CFAP221: variants seen among roughly 807,000 people sequenced by gnomAD.
CFAP221 encodes cilia and flagella associated protein 221.
Under a neutral mutation model 113.1 loss-of-function variants are expected in CFAP221, and 97 were observed. The observed-to-expected ratio is 0.86, with a 90% CI of 0.73 to 1.02. CFAP221 has a LOEUF of 1.02. Ranked by LOEUF, CFAP221 falls within the 50% of genes least tolerant of loss-of-function variation. The pLI is 0.00. For missense variants in CFAP221, 1,025 were observed against 1,013.4 expected, an observed-to-expected ratio of 1.01 and a Z score of -0.16; for synonymous variants, 331 against 354.4, an observed-to-expected ratio of 0.93 and a Z score of 0.74.
At chr2:119,644,077 C>T (rs1249110132) in intron 21 of CFAP221, among the ~76,000 whole-genome samples, 1 of 151,880 alleles carries the variant, frequency 6.6e-6, no homozygotes, top group Non-Finnish European at 1.5e-5. Flanking sequence ...CGCTTCAACC[C>T]GGGAGGCAGA....
chr2:119,624,234 G>T (rs1331294948), intron 14 of CFAP221, among the ~76,000 whole-genome samples: 1 of 152,170 alleles, frequency 6.6e-6, no homozygotes, highest in Non-Finnish European at 1.5e-5. Context: ...CTTCTCAAAA[G>T]AAGATGTTTA....
chr2:119,605,302 C>T lies in CFAP221; in HGVS notation c.1133+13C>T, dbSNP rs1310131902. The T allele has an allele frequency of 4.4e-6, 7 of 1,582,586 alleles. No homozygotes were observed. The highest frequency in any genetic ancestry group is 1.7e-5 in the Admixed American group (1 of 59,874). On this transcript the variant is annotated intron_variant, in intron 11 of 23. Transcript: ENST00000413369. ...ATCATCTTAAGTGGTAAATATTGAG[C>T]AATTGTTTGTATCAAGTGTCAGTAC...
At position 119,560,041 on chromosome 2, in the gene CFAP221, ATTGC is replaced by A; in HGVS notation, c.426+18_426+21del. 2 of 1,272,112 alleles carry A rather than the reference ATTGC, an allele frequency of 1.6e-6. No individual in the cohort carries two copies. Among genetic ancestry groups the A allele is most frequent in the Non-Finnish European group, 2.1e-6 (2 of 954,256 alleles). 78.8% of individuals were successfully genotyped at this position (1,272,112 alleles called of 1,614,324 possible). On this transcript the variant is annotated intron_variant, in intron 5 of 23. Coordinates refer to ENST00000413369, the MANE Select transcript of CFAP221 (RefSeq NM_001271049.2). ...TTCACTGTAAGGTAGGTCTCTTAAA[ATTGC>A]TTTTTTTTTTTTTTTTTTTTGATGG...
intron 14 of CFAP221, among the ~76,000 whole-genome samples, chr2:119,619,147 G>C (rs776586556): frequency 1.6e-4 from 24 of 152,220 alleles, no homozygotes; most frequent in Non-Finnish European, 1.9e-4. Flanking sequence ...GAAAGGGGCA[G>C]CTTTGGTGCA....
rs867971647 is a variant in CFAP221, at chr2:119,562,074, C to G, written c.487C>G (p.Pro163Ala). 6 of 1,535,002 alleles carry G rather than the reference C, an allele frequency of 3.9e-6. No homozygotes were observed. The highest frequency in any genetic ancestry group is 5.2e-6 in the Non-Finnish European group (6 of 1,146,454). ...AYPVMNSLDF[P>A]SFINLSNVLL... ...TCCAGTCATGAACTCACTAGACTTT[C>G]CTTCATTTATAAATCTGTCAAATGT... The change falls in exon 6 of 24, where the codon CCT (proline) becomes GCT (alanine). Residue 163 changes from proline to alanine, a missense_variant. Physicochemically the swap from Pro to Ala is conservative, Grantham distance 27 (BLOSUM62 -1). Transcript: ENST00000413369.
chr2:119,562,133 A>C lies in CFAP221; in HGVS notation c.527+19A>C. On this transcript the variant is annotated intron_variant, in intron 6 of 23. Transcript: ENST00000413369. ...GTGAAAGGTGAGTTACCAAAATGTC[A>C]ACAAAATGTATAGGATGTGAAAAAC... The C allele has an allele frequency of 1.4e-6, 2 of 1,474,126 alleles. No homozygotes were observed. Among genetic ancestry groups the C allele is most frequent in the Non-Finnish European group, 1.8e-6 (2 of 1,092,970 alleles). 91.3% of individuals were successfully genotyped at this position (1,474,126 alleles called of 1,614,324 possible).
At chr2:119,568,889 A>G (rs1681838722) in intron 6 of CFAP221, among the ~76,000 whole-genome samples, 2 of 152,220 alleles carry the variant, frequency 1.3e-5, no homozygotes, top group Non-Finnish European at 1.5e-5. Context: ...AGGCAGGTCC[A>G]CTGGCAACAA....
intron 2 of CFAP221, 115 bp downstream of exon 2, chr2:119,546,385 T>C: frequency 8.3e-7 from 1 of 1,203,218 alleles, no homozygotes; most frequent in East Asian, 2.6e-5. Context: ...TTTATAGGCT[T>C]ATACTAATTT....
intron 21 of CFAP221, among the ~76,000 whole-genome samples, chr2:119,643,934 C>T (rs896546622): frequency 3.3e-5 from 5 of 151,918 alleles, no homozygotes; most frequent in Admixed American, 2.0e-4. Context: ...AGGAGGATCA[C>T]TTGAGGTCAG....
chr2:119,557,477 T>A (rs886418662), intron 3 of CFAP221: 1 of 152,200 alleles, frequency 6.6e-6, no homozygotes, highest in African/African-American at 2.4e-5. Flanking sequence ...CTGGGGCCCT[T>A]GAATGTCATT....
intron 19 of CFAP221, among the ~76,000 whole-genome samples, chr2:119,631,918 G>A (rs1686799775): frequency 6.6e-6 from 1 of 152,170 alleles, no homozygotes. Flanking sequence ...TAAGTTAAAT[G>A]TGCAAATTCA....
chr2:119,552,158 CTTTTTTTTT>C lies in CFAP221; in HGVS notation c.240+2985_240+2993del, dbSNP rs772767971. On this transcript the variant is annotated intron_variant, in intron 3 of 23. Coordinates refer to ENST00000413369, the MANE Select transcript of CFAP221 (RefSeq NM_001271049.2). Reference sequence around the variant, plus strand: ...CACAACATAGCTTTTTAAAACTGGCCTTTTTTTTTTTTTTTTTTTTGCTTAGTATAATGT... The same window carrying C: ...CACAACATAGCTTTTTAAAACTGGCCTTTTTTTTTTTGCTTAGTATAATGT... Among the ~76,000 whole-genome samples the C allele has an allele frequency of 1.2e-4, 12 of 96,574 alleles. No individual in the cohort carries two copies. The East Asian group carries it at 3.5e-3, about 28-fold the overall frequency. 63.4% of individuals were successfully genotyped at this position (96,574 alleles called of 152,430 possible).
intron 21 of CFAP221, among the ~76,000 whole-genome samples, chr2:119,640,851 A>G (rs1687440883): frequency 6.6e-6 from 1 of 152,250 alleles, no homozygotes; most frequent in Non-Finnish European, 1.5e-5. Context: ...TCCAGGAGTC[A>G]TGTGACCTCA....
At chr2:119,620,022 G>A (rs964222721) in intron 14 of CFAP221, among the ~76,000 whole-genome samples, 2 of 152,092 alleles carry the variant, frequency 1.3e-5, no homozygotes, top group African/African-American at 2.4e-5. Flanking sequence ...GAAATAAAGC[G>A]TGAAGACAAG....
chr2:119,597,548 A>T (rs1490737714), intron 7 of CFAP221, among the ~76,000 whole-genome samples: 1 of 152,210 alleles, frequency 6.6e-6, no homozygotes, highest in East Asian at 1.9e-4. Context: ...TAAAACCAAT[A>T]CTTAGAATGT....
intron 15 of CFAP221, among the ~76,000 whole-genome samples, chr2:119,627,231 A>G (rs1485185974): frequency 6.6e-6 from 1 of 151,960 alleles, no homozygotes; most frequent in Non-Finnish European, 1.5e-5. Context: ...TTGTTTTTCA[A>G]AATATTGTAC....
chr2:119,548,360 TG>T (rs1680194079), intron 2 of CFAP221, among the ~76,000 whole-genome samples: 1 of 152,192 alleles, frequency 6.6e-6, no homozygotes, highest in African/African-American at 2.4e-5. Context: ...CTCAAAGGGC[TG>T]GAGTGAGGAT....
At chr2:119,626,701 A>G (rs1056072075) in intron 15 of CFAP221, among the ~76,000 whole-genome samples, 3 of 152,152 alleles carry the variant, frequency 2.0e-5, no homozygotes, top group Non-Finnish European at 4.4e-5. Flanking sequence ...TGAGAGTCCA[A>G]GGTGGGAGGA....
intron 6 of CFAP221, among the ~76,000 whole-genome samples, chr2:119,569,388 G>T (rs1239523784): frequency 2.6e-5 from 4 of 151,412 alleles, no homozygotes; most frequent in Non-Finnish European, 5.9e-5. Context: ...AAAGTGCTGG[G>T]ATTACAGATG....
Sources: allele counts gnomAD v4.1 joint callset (sites outside exome capture counted in the v4.1 genomes callset), GRCh38; gene constraint gnomAD v4.1.1; transcripts MANE v1.5; gene names NCBI Gene and HGNC (gene_info 2026-07-23, HGNC 2026-07-21).